FHIT: variants seen among roughly 807,000 people sequenced by gnomAD.
FHIT encodes fragile histidine triad diadenosine triphosphatase, also known as bis(5'-adenosyl)-triphosphatase.
A neutral mutation model predicts 17.9 loss-of-function variants in FHIT; 19 were observed. The observed-to-expected ratio is 1.06, with a 90% CI of 0.74 to 1.56. FHIT has a LOEUF of 1.56. Ranked by LOEUF, FHIT falls within the 40% of genes most tolerant of loss-of-function variation. FHIT has a pLI of 0.00. For synonymous variants in FHIT, 81 were observed against 69.7 expected (o/e 1.16, Z -0.81); for missense variants, 248 against 189.2 (o/e 1.31, Z -1.82).
chr3:60,343,312 C>T (rs1005000855), intron 5 of FHIT, among the ~76,000 whole-genome samples: 2 of 151,912 alleles, frequency 1.3e-5, no homozygotes, highest in African/African-American at 4.8e-5. Flanking sequence ...AGGAATGAAG[C>T]AATGGACTTA....
chr3:59,790,359 T>C (rs141276838), intron 8 of FHIT, among the ~76,000 whole-genome samples: 140 of 152,228 alleles, frequency 9.2e-4, no homozygotes, highest in African/African-American at 3.3e-3. Flanking sequence ...CACTAAGAGG[T>C]AGAGGGCAAA....
intron 5 of FHIT, among the ~76,000 whole-genome samples, chr3:60,086,846 G>C (rs192214015): frequency 4.1e-4 from 62 of 152,272 alleles, no homozygotes; most frequent in African/African-American, 1.4e-3. Flanking sequence ...CCAGGTTGAG[G>C]TTACACACTG....
chr3:59,897,550 G>T (rs1339853551), intron 8 of FHIT, among the ~76,000 whole-genome samples: 1 of 152,134 alleles, frequency 6.6e-6, no homozygotes, highest in Non-Finnish European at 1.5e-5. Context: ...TCCGTGCTTG[G>T]CACATGAGAA....
At chr3:59,840,678 C>T (rs775207534) in intron 8 of FHIT, among the ~76,000 whole-genome samples, 4 of 152,060 alleles carry the variant, frequency 2.6e-5, no homozygotes, top group South Asian at 2.1e-4. Flanking sequence ...CAGTCTTTTG[C>T]GTGGTTACAT....
intron 8 of FHIT, among the ~76,000 whole-genome samples, chr3:59,800,586 C>G (rs111781993): frequency 6.6e-6 from 1 of 152,252 alleles, no homozygotes; most frequent in Non-Finnish European, 1.5e-5. Context: ...AAAGGACCAC[C>G]GTCTAACAGC....
intron 5 of FHIT, among the ~76,000 whole-genome samples, chr3:60,342,561 A>G (rs533454719): frequency 1.2e-4 from 18 of 152,226 alleles, no homozygotes; most frequent in Non-Finnish European, 1.9e-4. Flanking sequence ...TTCTCTTCTG[A>G]TCAACAGCAA....
At chr3:60,560,367 C>G (rs963329237) in intron 4 of FHIT, among the ~76,000 whole-genome samples, 3 of 151,968 alleles carry the variant, frequency 2.0e-5, no homozygotes, top group Admixed American at 6.6e-5. Context: ...GCTGGGAATA[C>G]GGTCAGAGAT....
chr3:60,076,554 G>A (rs940066801), intron 5 of FHIT, among the ~76,000 whole-genome samples: 16 of 151,914 alleles, frequency 1.1e-4, no homozygotes, highest in Non-Finnish European at 2.9e-5. Flanking sequence ...TTCTGCTGCT[G>A]CTGCTTTTTT....
At chr3:60,043,643 TAC>T (rs1169987213) in intron 5 of FHIT, among the ~76,000 whole-genome samples, 1 of 150,946 alleles carries the variant, frequency 6.6e-6, no homozygotes, top group African/African-American at 2.4e-5. Flanking sequence ...AGTATATGTG[TAC>T]ACATATTCTG....
At chr3:60,356,062 C>T (rs1379419301) in intron 5 of FHIT, among the ~76,000 whole-genome samples, 1 of 152,162 alleles carries the variant, frequency 6.6e-6, no homozygotes, top group Non-Finnish European at 1.5e-5. Flanking sequence ...GTAGTTCACA[C>T]TGTACCAGAG....
rs1427420194 is a variant in FHIT, at chr3:59,986,900, A to C, written c.279+24471T>G. 3.6e-4 allele frequency among the ~76,000 whole-genome samples: 43 copies of C among 118,746 alleles called. 1 individual carries two copies. Among genetic ancestry groups the C allele is most frequent in the African/African-American group, 1.3e-3 (40 of 31,008 alleles). The allele number at this position is 118,746 out of a possible 152,430, so 77.9% of individuals were successfully genotyped here. A position where few individuals can be genotyped will look rare whatever the true frequency, so the allele number is the denominator to read the frequency against. On this transcript the variant is annotated intron_variant, in intron 7 of 9. Coordinates refer to ENST00000492590, the MANE Select transcript of FHIT (RefSeq NM_002012.4). ...ATATTTTTATATATTCATATATTTTATATTATATATTAAAAATATATGTAC... is the reference window on the plus strand; with the variant it reads ...ATATTTTTATATATTCATATATTTTCTATTATATATTAAAAATATATGTAC...
chr3:60,762,971 G>A (rs114706494), intron 4 of FHIT, among the ~76,000 whole-genome samples: 1,553 of 152,206 alleles, frequency 0.01, 33 homozygotes, highest in African/African-American at 0.035. Context: ...GTCTCTCTCT[G>A]GAGAACCCTG....
intron 5 of FHIT, among the ~76,000 whole-genome samples, chr3:60,472,303 A>G (rs895415285): frequency 6.6e-6 from 1 of 151,798 alleles, no homozygotes; most frequent in Non-Finnish European, 1.5e-5. Context: ...TTTTTATTTT[A>G]TAAAGGTTTG....
intron 2 of FHIT, among the ~76,000 whole-genome samples, chr3:61,168,596 C>G (rs2037908686): frequency 6.6e-6 from 1 of 152,194 alleles, no homozygotes; most frequent in African/African-American, 2.4e-5. Flanking sequence ...CACCAGCACT[C>G]TCAGAATGGA....
chr3:60,267,610 G>C (rs1322445919), intron 5 of FHIT, among the ~76,000 whole-genome samples: 1 of 152,010 alleles, frequency 6.6e-6, no homozygotes, highest in Non-Finnish European at 1.5e-5. Context: ...TAAAATCCCA[G>C]TCTGAGATTT....
At chr3:61,188,201 GAA>G (rs1157423666) in intron 2 of FHIT, among the ~76,000 whole-genome samples, 1 of 151,978 alleles carries the variant, frequency 6.6e-6, no homozygotes, top group Non-Finnish European at 1.5e-5. Context: ...TAATAAAGAA[GAA>G]AAGAGAGAAG....
intron 5 of FHIT, among the ~76,000 whole-genome samples, chr3:60,261,372 G>A (rs1347471674): frequency 6.6e-6 from 1 of 151,882 alleles, no homozygotes; most frequent in Non-Finnish European, 1.5e-5. Context: ...CAATCGCAAG[G>A]AACGTATTAA....
At position 60,860,937 on chromosome 3, in the gene FHIT, CATGTATATATGATA is replaced by C. The variant is rs1703769460; in HGVS notation, c.-110-38940_-110-38927del. Among the ~76,000 whole-genome samples, 4 of 102,658 alleles carry C rather than the reference CATGTATATATGATA, an allele frequency of 3.9e-5. No homozygotes were observed. In the East Asian group the frequency reaches 7.1e-4, roughly 18 times the overall value. The allele number at this position is 102,658 out of a possible 152,430, so 67.3% of individuals were successfully genotyped here. A position where few individuals can be genotyped will look rare whatever the true frequency, so the allele number is the denominator to read the frequency against. On this transcript the variant is annotated intron_variant, in intron 3 of 9. Transcript: ENST00000492590. ...ATATGATACATATATACGTATATAT[CATGTATATATGATA>C]CATATATACGTATATATCATGTATA...
At chr3:60,864,463 C>T (rs1438150036) in intron 3 of FHIT, among the ~76,000 whole-genome samples, 1 of 152,012 alleles carries the variant, frequency 6.6e-6, no homozygotes, top group Non-Finnish European at 1.5e-5. Context: ...GGAGGCCTCA[C>T]AGAAGGGCTG....
Sources: gnomAD v4.1 joint callset for allele counts (sites outside exome capture counted in the v4.1 genomes callset) on GRCh38, gnomAD v4.1.1 for gene constraint, MANE v1.5 for transcripts, NCBI Gene and HGNC (gene_info 2026-07-23, HGNC 2026-07-21) for gene names.